Variants in LRRTM4 observed in about 807,000 individuals in gnomAD.
The protein encoded by LRRTM4 is leucine-rich repeat transmembrane neuronal protein 4.
A neutral mutation model predicts 47.6 loss-of-function variants in LRRTM4; 25 were observed. The observed-to-expected ratio is 0.53, with a 90% CI of 0.38 to 0.73. The LOEUF (loss-of-function observed/expected upper bound fraction) is 0.73. Ranked by LOEUF, LRRTM4 falls within the 30% of genes least tolerant of loss-of-function variation. The pLI, the probability that LRRTM4 is intolerant of heterozygous loss-of-function variation, is 0.00. For synonymous variants in LRRTM4, 311 were observed against 269.5 expected (o/e 1.15, Z -1.51); for missense variants, 638 against 713.4 (o/e 0.89, Z 1.20).
chr2:76,917,644 G>C (rs939840732), intron 3 of LRRTM4, among the ~76,000 whole-genome samples: 1 of 152,126 alleles, frequency 6.6e-6, no homozygotes, highest in Non-Finnish European at 1.5e-5. Flanking sequence ...CTGCACACAT[G>C]AAGGAGCTAG....
chr2:77,343,142 A>G (rs1174333530), intron 3 of LRRTM4, among the ~76,000 whole-genome samples: 1 of 151,906 alleles, frequency 6.6e-6, no homozygotes, highest in Non-Finnish European at 1.5e-5. Context: ...TTCAACCTCT[A>G]TTTTACTTTA....
intron 3 of LRRTM4, among the ~76,000 whole-genome samples, chr2:77,386,728 G>A (rs942670245): frequency 3.3e-5 from 5 of 152,068 alleles, no homozygotes; most frequent in African/African-American, 9.7e-5. Context: ...GTAAGTGGGA[G>A]TTGAACAGTG....
intron 3 of LRRTM4, among the ~76,000 whole-genome samples, chr2:76,816,852 T>G (rs1325224972): frequency 1.1e-4 from 14 of 131,252 alleles, no homozygotes; most frequent in East Asian, 6.5e-4. Flanking sequence ...TTTTTTTTTT[T>G]TTTTTTTTTT....
At chr2:76,847,844 A>C (rs1236217400) in intron 3 of LRRTM4, among the ~76,000 whole-genome samples, 3 of 152,168 alleles carry the variant, frequency 2.0e-5, no homozygotes, top group Non-Finnish European at 4.4e-5. Flanking sequence ...AAATTAATTT[A>C]CATAAGAAAG....
chr2:76,994,069 A>T (rs546502341), intron 3 of LRRTM4, among the ~76,000 whole-genome samples: 2 of 151,932 alleles, frequency 1.3e-5, no homozygotes, highest in South Asian at 4.1e-4. Flanking sequence ...GTACTCGTGG[A>T]CATACCAATG....
intron 3 of LRRTM4, among the ~76,000 whole-genome samples, chr2:76,997,098 T>C (rs1677230049): frequency 6.6e-6 from 1 of 152,142 alleles, no homozygotes; most frequent in Non-Finnish European, 1.5e-5. Flanking sequence ...AATGTCTTAT[T>C]TCAAAGTCAG....
intron 3 of LRRTM4, among the ~76,000 whole-genome samples, chr2:77,107,894 G>A (rs1447357699): frequency 2.0e-5 from 3 of 149,890 alleles, no homozygotes; most frequent in Non-Finnish European, 4.4e-5. Flanking sequence ...TCTTGGTTTA[G>A]AATGAAAATA....
intron 3 of LRRTM4, among the ~76,000 whole-genome samples, chr2:76,914,718 A>G (rs1038978841): frequency 2.0e-5 from 3 of 152,146 alleles, no homozygotes; most frequent in African/African-American, 7.2e-5. Flanking sequence ...CCTTTTGTAT[A>G]ATTCTATTTC....
At chr2:76,983,149 T>C (rs559962642) in intron 3 of LRRTM4, among the ~76,000 whole-genome samples, 24 of 152,040 alleles carry the variant, frequency 1.6e-4, no homozygotes, top group Non-Finnish European at 3.2e-4. Flanking sequence ...TTTTTGCCAG[T>C]GTAGAGAAAG....
intron 3 of LRRTM4, among the ~76,000 whole-genome samples, chr2:77,352,457 G>A (rs1573297949): frequency 6.6e-6 from 1 of 151,984 alleles, no homozygotes; most frequent in Admixed American, 6.5e-5. Flanking sequence ...GTCAACTCCA[G>A]GAATTGCAAT....
intron 3 of LRRTM4, among the ~76,000 whole-genome samples, chr2:76,865,011 CTTAA>C (rs1672426933): frequency 6.6e-6 from 1 of 151,676 alleles, no homozygotes; most frequent in African/African-American, 2.4e-5. Flanking sequence ...TTGATTCTTA[CTTAA>C]TTATATTCTT....
At chr2:76,751,557 G>C (rs1165719762) in intron 3 of LRRTM4, among the ~76,000 whole-genome samples, 1 of 152,062 alleles carries the variant, frequency 6.6e-6, no homozygotes, top group Admixed American at 6.6e-5. Context: ...CGAATTACTA[G>C]ATACTAAATA....
intron 3 of LRRTM4, among the ~76,000 whole-genome samples, chr2:77,299,229 ATCTC>A (rs771724277): frequency 1.0e-4 from 15 of 143,092 alleles, no homozygotes; most frequent in Non-Finnish European, 1.6e-4. Context: ...TCTTCCTACA[ATCTC>A]TCTCTCTCTT....
chr2:76,784,624 G>A (rs1674575513), intron 3 of LRRTM4, among the ~76,000 whole-genome samples: 2 of 151,956 alleles, frequency 1.3e-5, no homozygotes, highest in South Asian at 2.1e-4. Context: ...TTTACTATGG[G>A]GCACCACTGA....
intron 3 of LRRTM4, among the ~76,000 whole-genome samples, chr2:77,389,443 C>T (rs556357280): frequency 1.4e-4 from 21 of 152,044 alleles, no homozygotes; most frequent in African/African-American, 5.1e-4. Flanking sequence ...GTTAAAAAGA[C>T]AAAAGTAACT....
At chr2:77,421,358 G>C (rs751953932) in intron 3 of LRRTM4, among the ~76,000 whole-genome samples, 2 of 152,096 alleles carry the variant, frequency 1.3e-5, no homozygotes, top group Non-Finnish European at 1.5e-5. Context: ...CATTGGCAAT[G>C]TCTTAGATAC....
intron 3 of LRRTM4, among the ~76,000 whole-genome samples, chr2:77,515,892 T>G: frequency 6.6e-6 from 1 of 151,856 alleles, no homozygotes; most frequent in Admixed American, 6.6e-5. Context: ...AGAGTTTGCT[T>G]TTCCTCACCA....
At chr2:77,047,458 G>A (rs145712358) in intron 3 of LRRTM4, among the ~76,000 whole-genome samples, 1 of 151,986 alleles carries the variant, frequency 6.6e-6, no homozygotes, top group African/African-American at 2.4e-5. Context: ...TTCCTTCTGA[G>A]AGCTGTGAGG....
At chr2:76,984,048 G>A (rs1446716) in intron 3 of LRRTM4, among the ~76,000 whole-genome samples, 2,576 of 152,070 alleles carry the variant, frequency 0.017, 63 homozygotes, top group East Asian at 0.083. Context: ...TCTGAATGAA[G>A]ATTCACCACA....
Sources: allele counts gnomAD v4.1 joint callset (sites outside exome capture counted in the v4.1 genomes callset), GRCh38; gene constraint gnomAD v4.1.1; transcripts MANE v1.5; gene names NCBI Gene and HGNC (gene_info 2026-07-23, HGNC 2026-07-21).